MAPK14: variants seen among roughly 807,000 people sequenced by gnomAD.
MAPK14 encodes the protein mitogen-activated protein kinase 14.
MAPK14 carries 16 observed loss-of-function variants against 49.6 expected under a neutral mutation model. The observed-to-expected ratio is 0.32, with a 90% CI of 0.22 to 0.49. The LOEUF is 0.49. Among genes scored for constraint, MAPK14 ranks in the 20% least tolerant of loss-of-function variants. The pLI is 0.99. For missense variants in MAPK14, 200 were observed against 441.2 expected (o/e 0.45, Z 4.90); for synonymous variants, 142 against 158.0 (o/e 0.90, Z 0.76).
At chr6:36,069,279 C>G (rs1392799177) in intron 3 of MAPK14, among the ~76,000 whole-genome samples, 1 of 152,126 alleles carries the variant, frequency 6.6e-6, no homozygotes, top group South Asian at 2.1e-4. Context: ...TTCCTTGCCC[C>G]CCATCCTGTT....
intron 11 of MAPK14, among the ~76,000 whole-genome samples, 200 bp from the exon 12 acceptor site, chr6:36,108,177 GAAA>G (rs546674873): frequency 1.3e-5 from 2 of 151,772 alleles, no homozygotes; most frequent in African/African-American, 4.8e-5. Flanking sequence ...AAAAACATGA[GAAA>G]AAAAATGGTT....
intron 1 of MAPK14, among the ~76,000 whole-genome samples, chr6:36,033,107 T>C (rs1762604973): frequency 6.6e-6 from 1 of 152,178 alleles, no homozygotes; most frequent in Admixed American, 6.5e-5. Flanking sequence ...ACTTTTCTAG[T>C]AGTGATAGTA....
Position 36,028,791 on chromosome 6 carries a change from CTT to C in MAPK14, c.116+538_116+539del, listed in dbSNP as rs111234964. ...ACCAGGAAGGGAGCTCTCTCCGGGCCTTTTTTTTTTTTTTTTTTTTTCAAAAC... is the reference window on the plus strand; with the variant it reads ...ACCAGGAAGGGAGCTCTCTCCGGGCCTTTTTTTTTTTTTTTTTTTCAAAAC... On this transcript the variant is annotated intron_variant, in intron 1 of 11. Coordinates refer to ENST00000229794, the MANE Select transcript of MAPK14 (RefSeq NM_139012.3). The surrounding 1 kb of genome is among the most constrained non-coding windows in gnomAD (Gnocchi z 5.1). Among the ~76,000 whole-genome samples the C allele has an allele frequency of 5.5e-4, 55 of 100,380 alleles. No individual in the cohort carries two copies. Among genetic ancestry groups the C allele is most frequent in the African/African-American group, 1.8e-3 (51 of 27,648 alleles). The allele number at this position is 100,380 out of a possible 152,430, so 65.9% of individuals were successfully genotyped here. A position where few individuals can be genotyped will look rare whatever the true frequency, so the allele number is the denominator to read the frequency against.
intron 1 of MAPK14, among the ~76,000 whole-genome samples, chr6:36,042,259 A>AG (rs1375173435): frequency 6.6e-6 from 1 of 152,042 alleles, no homozygotes; most frequent in Non-Finnish European, 1.5e-5. Flanking sequence ...GGTAGTAGAG[A>AG]GCTGTTGGAG....
chr6:36,078,792 G>A (rs767052515), intron 8 of MAPK14, among the ~76,000 whole-genome samples: 6 of 152,154 alleles, frequency 3.9e-5, no homozygotes, highest in African/African-American at 1.4e-4. Flanking sequence ...CCTTTCTCTT[G>A]TAAGTTGCCA....
At chr6:36,100,290 G>C in intron 9 of MAPK14, 1 of 1,557,702 alleles carries the variant, frequency 6.4e-7, no homozygotes, top group Non-Finnish European at 8.9e-7. Context: ...AGACTGTACA[G>C]GGATGTCGCA....
chr6:36,067,666 T>C (rs1253894456), intron 3 of MAPK14, among the ~76,000 whole-genome samples: 3 of 152,184 alleles, frequency 2.0e-5, no homozygotes, highest in Non-Finnish European at 4.4e-5. Flanking sequence ...GAGAATAATT[T>C]GTTGTGAAAT....
chr6:36,060,637 T>G (rs1043094795), intron 3 of MAPK14, among the ~76,000 whole-genome samples: 1 of 152,072 alleles, frequency 6.6e-6, no homozygotes, highest in African/African-American at 2.4e-5. Flanking sequence ...CCCATTCTTA[T>G]CCTGGGCTGA....
At chr6:36,079,116 T>G (rs1395862517) in intron 8 of MAPK14, among the ~76,000 whole-genome samples, 1 of 152,248 alleles carries the variant, frequency 6.6e-6, no homozygotes, top group Non-Finnish European at 1.5e-5. Context: ...TATTCATTTT[T>G]TTTGAAAAGT....
rs140233532 is a variant in MAPK14 at position 36,037,834 on chromosome 6, A to G, written c.116+9561A>G. 2.8e-3 allele frequency among the ~76,000 whole-genome samples: 422 copies of G among 152,170 alleles called. 4 individuals carry two copies. Among genetic ancestry groups the G allele is most frequent in the African/African-American group, 9.5e-3 (395 of 41,502 alleles). On this transcript the variant is annotated intron_variant, in intron 1 of 11. Transcript: ENST00000229794. ...GGCTCCTCTACTAAAAAATAAAAAT[A>G]AAAAATTAGGGATGCTTGGTGGCAC... is the stretch of plus-strand genomic sequence containing the variant.
intron 1 of MAPK14, among the ~76,000 whole-genome samples, chr6:36,048,686 G>A (rs933643822): frequency 2.6e-5 from 4 of 152,196 alleles, no homozygotes; most frequent in Non-Finnish European, 2.9e-5. Flanking sequence ...CAAATGTCTA[G>A]CTCGAGCAAC....
intron 1 of MAPK14, among the ~76,000 whole-genome samples, chr6:36,035,381 G>A (rs1288872366): frequency 2.0e-5 from 3 of 152,212 alleles, no homozygotes; most frequent in Admixed American, 6.5e-5. Context: ...CATTGTGTGT[G>A]TTCTGACTGC....
chr6:36,095,854 C>T, intron 8 of MAPK14, 133 bp from the exon 9 acceptor site: 1 of 609,800 alleles, frequency 1.6e-6, no homozygotes, highest in South Asian at 2.0e-5. Context: ...GAGGGATTCA[C>T]CGTGTTGGCT....
intron 8 of MAPK14, among the ~76,000 whole-genome samples, chr6:36,094,990 C>A (rs1765389714): frequency 6.6e-6 from 1 of 152,110 alleles, no homozygotes; most frequent in Non-Finnish European, 1.5e-5. Flanking sequence ...AGTCATCCTC[C>A]CCTTCTCCCT....
At position 36,089,550 on chromosome 6, in the gene MAPK14, T is replaced by A. The variant is rs552791502; in HGVS notation, c.683-6437T>A. Reference sequence around the variant, plus strand: ...GTATCTCAGAACTTTAATTTAATTTTAAAAAAATATAAGAAATACTCATTT... The same window carrying A: ...GTATCTCAGAACTTTAATTTAATTTAAAAAAAATATAAGAAATACTCATTT... On this transcript the variant is annotated intron_variant, in intron 8 of 11. Coordinates refer to ENST00000229794, the MANE Select transcript of MAPK14 (RefSeq NM_139012.3). Among the ~76,000 whole-genome samples, 88 of 152,304 alleles carry A rather than the reference T, an allele frequency of 5.8e-4. No homozygotes were observed. In the Middle Eastern group the frequency reaches 0.014, roughly 24 times the overall value.
intron 3 of MAPK14, among the ~76,000 whole-genome samples, chr6:36,072,169 T>C (rs1377512207): frequency 6.6e-6 from 1 of 152,096 alleles, no homozygotes; most frequent in African/African-American, 2.4e-5. Context: ...ACCCCATCTC[T>C]ACAGGAAAAT....
At chr6:36,104,413 A>G (rs761566927) in intron 10 of MAPK14, among the ~76,000 whole-genome samples, 2 of 151,560 alleles carry the variant, frequency 1.3e-5, no homozygotes, top group Non-Finnish European at 2.9e-5. Flanking sequence ...TTTGAGACAG[A>G]GTCTCGCTCT....
At chr6:36,039,720 C>G (rs1350595292) in intron 1 of MAPK14, among the ~76,000 whole-genome samples, 1 of 152,046 alleles carries the variant, frequency 6.6e-6, no homozygotes, top group Non-Finnish European at 1.5e-5. Flanking sequence ...AAGTATCAGT[C>G]CAGGCTGGGT....
chr6:36,073,328 T>A (rs1764384003), intron 4 of MAPK14, among the ~76,000 whole-genome samples: 1 of 152,238 alleles, frequency 6.6e-6, no homozygotes, highest in Admixed American at 6.5e-5. Flanking sequence ...TAATCTAATA[T>A]CTGGTCAGCG....
Sources: allele counts gnomAD v4.1 joint callset (sites outside exome capture counted in the v4.1 genomes callset), GRCh38; gene constraint gnomAD v4.1.1; non-coding constraint Gnocchi (gnomAD v3.1); transcripts MANE v1.5; gene names NCBI Gene and HGNC (gene_info 2026-07-23, HGNC 2026-07-21).